The following ARHGAP4 variants were observed in gnomAD, a reference collection of about 807,000 sequenced individuals.
ARHGAP4 encodes the protein Rho GTPase activating protein 4.
ARHGAP4 carries 25 observed loss-of-function variants against 67.6 expected under a neutral mutation model. The observed-to-expected ratio is 0.37, with a 90% CI of 0.27 to 0.52. ARHGAP4 has a LOEUF of 0.52. Among genes scored for constraint, ARHGAP4 ranks in the 20% least tolerant of loss-of-function variants. The pLI is 0.92. For synonymous variants in ARHGAP4, 448 were observed against 373.7 expected, an observed-to-expected ratio of 1.20 and a Z score of -2.29; for missense variants, 804 against 854.6, an observed-to-expected ratio of 0.94 and a Z score of 0.74.
chrX:153,909,735 A>G lies in ARHGAP4; in HGVS notation c.2414+6T>C, dbSNP rs368747903. On this transcript the variant is annotated splice_donor_region_variant and intron_variant, in intron 19 of 21. Coordinates refer to ENST00000350060, the MANE Select transcript of ARHGAP4 (RefSeq NM_001666.5). ...GCCCTGGGGCCTGAGGGCGCGGCTCACTCACCCGGCGGGCAGCGTGATATA... is the reference window on the plus strand; with the variant it reads ...GCCCTGGGGCCTGAGGGCGCGGCTCGCTCACCCGGCGGGCAGCGTGATATA... 7.8e-4 allele frequency: 923 copies of G among 1,180,581 alleles called. No individual in the cohort carries two copies. Among genetic ancestry groups the G allele is most frequent in the Non-Finnish European group, 9.6e-4 (849 of 880,787 alleles).
intron 1 of ARHGAP4, chrX:153,922,073 G>T: frequency 3.0e-6 from 3 of 991,895 alleles, no homozygotes; most frequent in Non-Finnish European, 3.8e-6. Context: ...AGGGGGAAGG[G>T]GAAGGGTGTC....
chrX:153,909,598 A>G, intron 19 of ARHGAP4, 63 bp from the exon 20 acceptor site: 1 of 827,749 alleles, frequency 1.2e-6, no homozygotes, highest in Non-Finnish European at 1.6e-6. Flanking sequence ...CAGGGCCAGC[A>G]GCTCCGCGCC....
At position 153,909,795 on chromosome X, in the gene ARHGAP4, TC is replaced by T; in HGVS notation, c.2359del (p.Glu787SerfsTer153). ...GATGAGGCCCCGCATGCCGTTGTGC[TC>T]CCCCCGCCACCAGTCGCTCGAGGCC... ...ERASSDWWRG[E>X]HNGMRGLIPH... On this transcript the variant is annotated frameshift_variant, in exon 19 of 22. Transcript: ENST00000350060. LOFTEE classifies it high-confidence loss of function. 8.4e-7 allele frequency: 1 copy of T among 1,195,461 alleles called. No homozygotes were observed.
chrX:153,913,704 C>G, intron 8 of ARHGAP4, 74 bp downstream of exon 8: 1 of 1,165,341 alleles, frequency 8.6e-7, no homozygotes. Flanking sequence ...GCAGGCAGGG[C>G]AGCCACTTCC....
chrX:153,909,977 G>C (rs1341784007), intron 18 of ARHGAP4, 35 bp downstream of exon 18: 1 of 1,208,516 alleles, frequency 8.3e-7, no homozygotes, highest in Non-Finnish European at 1.1e-6. Flanking sequence ...CACTAGGGTG[G>C]GGACAGGGTG....
Position 153,910,098 on chromosome X carries a change from G to A in ARHGAP4, c.2157-13C>T. On this transcript the variant is annotated splice_polypyrimidine_tract_variant and intron_variant, in intron 17 of 21. Transcript: ENST00000350060. ...CAGCTGGGCGTCCCTGAGGTTCAGG[G>A]CAGAGCGAGGCAGATGAGGGGGGCT... 2 of 1,210,678 alleles carry A rather than the reference G, an allele frequency of 1.7e-6. No individual in the cohort carries two copies. Among genetic ancestry groups the A allele is most frequent in the Non-Finnish European group, 2.2e-6 (2 of 895,082 alleles).
Position 153,909,878 on chromosome X carries a change from G to A in ARHGAP4, c.2277C>T (p.Gly759=), listed in dbSNP as rs375134636. 4.0e-5 allele frequency: 48 copies of A among 1,203,239 alleles called. 1 individual carries two copies. The African/African-American group carries it at 8.2e-4, about 21-fold the overall frequency. Residue 759 remains glycine (G), a synonymous_variant, in exon 19 of 22, where the codon GGC becomes GGT. Transcript: ENST00000350060. The part of the protein sequence containing the change: ...VEAVACFAYT[G]RTAQELSFRR... Reference sequence around the variant, plus strand: ...GGAAGCTCAGCTCCTGGGCTGTGCGGCCCGTGTAGGCAAAGCAGGCCACAG... The same window carrying A: ...GGAAGCTCAGCTCCTGGGCTGTGCGACCCGTGTAGGCAAAGCAGGCCACAG...
intron 1 of ARHGAP4, among the ~76,000 whole-genome samples, chrX:153,924,633 C>G (rs2065116061): frequency 8.9e-6 from 1 of 111,875 alleles, no homozygotes; most frequent in African/African-American, 3.3e-5. Context: ...ATTGCTTTTA[C>G]TCTGGGTAAA....
chrX:153,912,260 G>C (rs980793576), intron 12 of ARHGAP4, among the ~76,000 whole-genome samples: 3 of 109,542 alleles, frequency 2.7e-5, no homozygotes, highest in African/African-American at 1.0e-4. Flanking sequence ...GGGCTGAAGG[G>C]ATCTGCCCAC....
intron 19 of ARHGAP4, 97 bp downstream of exon 19, chrX:153,909,644 C>T: frequency 1.8e-6 from 2 of 1,094,449 alleles, no homozygotes; most frequent in Non-Finnish European, 2.4e-6. Flanking sequence ...GTTCTCTGGC[C>T]CAGCCCAGAC....
At chrX:153,919,805 G>C in intron 5 of ARHGAP4, 1 of 632,736 alleles carries the variant, frequency 1.6e-6, no homozygotes, top group Non-Finnish European at 2.1e-6. Context: ...TTTTTTTTTT[G>C]AGACAGAGTC....
chrX:153,924,728 G>C (rs782620783), intron 1 of ARHGAP4, among the ~76,000 whole-genome samples: 1 of 111,725 alleles, frequency 9.0e-6, no homozygotes, highest in Non-Finnish European at 1.9e-5. Context: ...AGATGTATAG[G>C]AAACATCTGG....
Position 153,910,236 on chromosome X carries a change from G to A in ARHGAP4, c.2091C>T (p.Pro697=). The A allele has an allele frequency of 8.3e-7, 1 of 1,211,152 alleles. No homozygotes were observed. The change falls in exon 17 of 22, where the codon CCC becomes CCT. Residue 697 remains proline (P), a synonymous_variant. Transcript: ENST00000350060. ...AGACGGGGCCAGGCAGCGAGGTCAG[G>A]GGCGGGAAGACCCGATCGGGCTGCA... ...LIVQPDRVFP[P]LTSLPGPVYE...
chrX:153,919,680 G>C (rs1364671181), intron 5 of ARHGAP4: 2 of 1,159,170 alleles, frequency 1.7e-6, no homozygotes, highest in Non-Finnish European at 2.3e-6. Flanking sequence ...CTCTGCGGGG[G>C]CCAGAGCTGA....
chrX:153,919,704 C>A, intron 5 of ARHGAP4: 5 of 1,141,737 alleles, frequency 4.4e-6, no homozygotes, highest in Middle Eastern at 5.3e-4. Flanking sequence ...GGAACGAGTA[C>A]CCCAAAGGGT....
chrX:153,925,700 T>G (rs973538251), intron 1 of ARHGAP4, among the ~76,000 whole-genome samples: 1 of 112,120 alleles, frequency 8.9e-6, no homozygotes, highest in Non-Finnish European at 1.9e-5. Flanking sequence ...CTCCAGGGAC[T>G]GCAGTGGGGT....
chrX:153,907,934 AAC>A lies in ARHGAP4; in HGVS notation c.2634_2635del (p.Phe879Ter). On this transcript the variant is annotated frameshift_variant, in exon 22 of 22. Transcript: ENST00000350060. LOFTEE classifies it low-confidence loss of function (END_TRUNC). The stretch of plus-strand genomic sequence containing the variant: ...AGAGGTCTTTCCCAAGAGCTCCTTA[AAC>A]ACAGAGTCCATGTTCTGTGCCACAG... 1 of 1,096,697 alleles carries A rather than the reference AAC, an allele frequency of 9.1e-7. No individual in the cohort carries two copies. Among genetic ancestry groups the A allele is most frequent in the Non-Finnish European group, 1.2e-6 (1 of 838,045 alleles). The allele number at this position is 1,096,697 out of a possible 1,213,427, so 90.4% of individuals were successfully genotyped here.
chrX:153,907,787 G>A lies in ARHGAP4; in HGVS notation c.2783C>T (p.Pro928Leu), dbSNP rs782323598. ...NKGFSRGPGAPASPSASHPQG... is the reference protein window; with the variant it reads ...NKGFSRGPGALASPSASHPQG... ...GGGGTGGGAAGCTGAGGGTGAGGCT[G>A]GGGCCCCAGGGCCCCGGGAGAAGCC... Residue 928 changes from proline (P) to leucine (L), a missense_variant, in exon 22 of 22, where the codon CCA (proline) becomes CTA (leucine). Pro to Leu is a moderately conservative substitution (Grantham distance 98). Around this residue, in one of 2 missense-constraint regions of ARHGAP4, gnomAD observed 400 missense variants for 348.7 expected, o/e 1.15. Transcript: ENST00000350060. 9.9e-7 allele frequency: 1 copy of A among 1,010,346 alleles called. No homozygotes were observed. Among genetic ancestry groups the A allele is most frequent in the Non-Finnish European group, 1.3e-6 (1 of 788,678 alleles). 83.3% of individuals were successfully genotyped at this position (1,010,346 alleles called of 1,213,427 possible).
At chrX:153,911,040 C>T (rs1349002258) in intron 13 of ARHGAP4, 41 bp from the exon 14 acceptor site, 1 of 1,161,782 alleles carries the variant, frequency 8.6e-7, no homozygotes, top group Admixed American at 2.6e-5. Context: ...GAGCATCTTC[C>T]CCAGCCCCTC....
Sources: allele counts gnomAD v4.1 joint callset (sites outside exome capture counted in the v4.1 genomes callset), GRCh38; gene constraint gnomAD v4.1.1; regional missense constraint gnomAD v4.1.1; transcripts MANE v1.5; gene names NCBI Gene and HGNC (gene_info 2026-07-23, HGNC 2026-07-21).